The following SGCZ variants were observed in gnomAD, a reference collection of about 807,000 sequenced individuals.
The protein encoded by SGCZ is sarcoglycan zeta.
A neutral mutation model predicts 41.3 loss-of-function variants in SGCZ; 40 were observed. The observed-to-expected ratio is 0.97, with a 90% confidence interval of 0.75 to 1.26. The LOEUF is 1.26. SGCZ is among the 50% of genes most tolerant of loss of function. SGCZ has a pLI of 0.00. For synonymous variants in SGCZ, 206 were observed against 137.5 expected, an observed-to-expected ratio of 1.50 and a Z score of -3.49; for missense variants, 552 against 369.8, an observed-to-expected ratio of 1.49 and a Z score of -4.04.
intron 1 of SGCZ, among the ~76,000 whole-genome samples, chr8:15,098,173 A>G (rs1199531364): frequency 6.6e-6 from 1 of 152,158 alleles, no homozygotes; most frequent in African/African-American, 2.4e-5. Context: ...ATGTTGTAAA[A>G]GGAAATTAAA....
At chr8:15,112,701 C>A (rs1380332311) in intron 1 of SGCZ, among the ~76,000 whole-genome samples, 2 of 152,180 alleles carry the variant, frequency 1.3e-5, no homozygotes, top group Admixed American at 1.3e-4. Context: ...ATAAGGTTCC[C>A]AGCCCACATC....
intron 1 of SGCZ, among the ~76,000 whole-genome samples, chr8:14,896,564 C>G (rs895117683): frequency 2.0e-5 from 3 of 152,084 alleles, no homozygotes; most frequent in Admixed American, 1.3e-4. Flanking sequence ...GCAAACTCCA[C>G]CTCTCAGGTT....
intron 3 of SGCZ, among the ~76,000 whole-genome samples, chr8:14,238,506 G>C (rs758464288): frequency 2.0e-5 from 3 of 152,064 alleles, no homozygotes; most frequent in East Asian, 1.9e-4. Context: ...CTCTGGTAAC[G>C]TGTTGACTTT....
chr8:14,598,701 TG>T (rs1033342596), intron 1 of SGCZ, among the ~76,000 whole-genome samples: 6 of 152,168 alleles, frequency 3.9e-5, no homozygotes, highest in African/African-American at 1.4e-4. Flanking sequence ...AATTTTTTTT[TG>T]TAATTTTTGT....
intron 1 of SGCZ, among the ~76,000 whole-genome samples, chr8:15,212,469 C>T (rs570834792): frequency 6.3e-4 from 96 of 152,198 alleles, no homozygotes; most frequent in African/African-American, 2.1e-3. Flanking sequence ...GATTGTTTGG[C>T]TTCTCCTTTT....
chr8:14,910,177 C>A (rs1414875683), intron 1 of SGCZ, among the ~76,000 whole-genome samples: 1 of 143,734 alleles, frequency 7.0e-6, no homozygotes, highest in Non-Finnish European at 1.5e-5. Flanking sequence ...ATCTTCAAAA[C>A]CAGTAACATA....
chr8:14,425,620 C>G (rs775567148), intron 2 of SGCZ, among the ~76,000 whole-genome samples: 14 of 134,908 alleles, frequency 1.0e-4, no homozygotes, highest in Non-Finnish European at 1.9e-4. Flanking sequence ...GAATCCCTCT[C>G]AAAAAGAAAA....
At position 14,520,307 on chromosome 8, in the gene SGCZ, G is replaced by A. The variant is rs532252838; in HGVS notation, c.234+34425C>T. On this transcript the variant is annotated intron_variant, in intron 2 of 7. Transcript: ENST00000382080. ...GTTTCTAATCATGGCCTCAACACAG[G>A]AATTTTTTGTTCCTGGAAGCAGCTA... Among the ~76,000 whole-genome samples the A allele has an allele frequency of 7.9e-5, 12 of 152,200 alleles. No individual in the cohort carries two copies. The South Asian group carries it at 1.7e-3, about 21-fold the overall frequency.
chr8:15,163,787 G>A (rs73531493), intron 1 of SGCZ, among the ~76,000 whole-genome samples: 1 of 152,152 alleles, frequency 6.6e-6, no homozygotes, highest in African/African-American at 2.4e-5. Flanking sequence ...ACAAGCAAAG[G>A]TTTAGATAAA....
chr8:14,289,555 T>C (rs537341021), intron 3 of SGCZ, among the ~76,000 whole-genome samples: 2 of 152,246 alleles, frequency 1.3e-5, no homozygotes, highest in South Asian at 4.1e-4. Context: ...CCTTATACTC[T>C]TGTCAAAACT....
intron 4 of SGCZ, among the ~76,000 whole-genome samples, chr8:14,202,532 T>A (rs934025571): frequency 1.4e-5 from 2 of 138,678 alleles, no homozygotes; most frequent in Non-Finnish European, 3.1e-5. Context: ...ACTTGGATAA[T>A]TTTTTTTAAT....
chr8:14,703,257 C>A (rs1355799124), intron 1 of SGCZ, among the ~76,000 whole-genome samples: 1 of 151,904 alleles, frequency 6.6e-6, no homozygotes, highest in Non-Finnish European at 1.5e-5. Context: ...CATCTCTTAC[C>A]GTCAACCCCT....
chr8:14,320,746 T>C (rs1359215465), intron 3 of SGCZ, among the ~76,000 whole-genome samples: 1 of 152,050 alleles, frequency 6.6e-6, no homozygotes. Flanking sequence ...GTAGTTCCTC[T>C]GTCACCACTT....
Position 15,169,211 on chromosome 8 carries a change from C to G in SGCZ, c.39+68374G>C, listed in dbSNP as rs924477050. Among the ~76,000 whole-genome samples the G allele has an allele frequency of 2.0e-5, 3 of 152,292 alleles. 1 individual carries two copies. Among genetic ancestry groups the G allele is most frequent in the Admixed American group, 1.3e-4 (2 of 15,302 alleles). The stretch of plus-strand genomic sequence containing the variant: ...GCAAGAAGCAGTTAAGATTGGTCTT[C>G]GCCCTTATCCCTAATCTAAGGGCAG... On this transcript the variant is annotated intron_variant, in intron 1 of 7. Transcript: ENST00000382080.
intron 1 of SGCZ, among the ~76,000 whole-genome samples, chr8:14,821,163 C>T (rs1203066262): frequency 6.6e-6 from 1 of 151,834 alleles, no homozygotes; most frequent in Non-Finnish European, 1.5e-5. Flanking sequence ...AATACAAAGG[C>T]TGATAAGAGA....
chr8:14,648,089 G>C (rs1429836961), intron 1 of SGCZ, among the ~76,000 whole-genome samples: 1 of 148,656 alleles, frequency 6.7e-6, no homozygotes, highest in Non-Finnish European at 1.5e-5. Flanking sequence ...GACCTAAGCA[G>C]GCAAAAACTC....
intron 2 of SGCZ, among the ~76,000 whole-genome samples, chr8:14,511,043 G>A (rs532959475): frequency 2.0e-5 from 3 of 151,900 alleles, no homozygotes; most frequent in Admixed American, 6.6e-5. Flanking sequence ...TAAAATCAAC[G>A]AGCAAACACA....
chr8:14,530,221 T>A (rs576026140), intron 2 of SGCZ, among the ~76,000 whole-genome samples: 358 of 151,878 alleles, frequency 2.4e-3, no homozygotes, highest in African/African-American at 6.9e-3. Context: ...GAAATTTTTT[T>A]TAAAAAAAAT....
intron 1 of SGCZ, among the ~76,000 whole-genome samples, chr8:15,112,993 G>C (rs1223422998): frequency 6.6e-6 from 1 of 152,084 alleles, no homozygotes; most frequent in Non-Finnish European, 1.5e-5. Flanking sequence ...TGGATCGCTT[G>C]GGCCCAGGAG....
Sources: gnomAD v4.1 joint callset for allele counts (sites outside exome capture counted in the v4.1 genomes callset) on GRCh38, gnomAD v4.1.1 for gene constraint, MANE v1.5 for transcripts, NCBI Gene and HGNC (gene_info 2026-07-23, HGNC 2026-07-21) for gene names.